The following AUTS2 variants were observed in gnomAD, a reference collection of about 807,000 sequenced individuals.
The protein encoded by AUTS2 is autism susceptibility gene 2 protein.
In AUTS2, 17 loss-of-function variants were observed where a neutral mutation model predicts 112.4. That is an observed-to-expected ratio of 0.15 (90% CI 0.10 to 0.23). The LOEUF (loss-of-function observed/expected upper bound fraction) is 0.23. Among genes scored for constraint, AUTS2 ranks in the 10% least tolerant of loss-of-function variants. The pLI is 1.00. For missense variants in AUTS2, 1,510 were observed against 1,701.6 expected, an observed-to-expected ratio of 0.89 and a Z score of 1.98; for synonymous variants, 751 against 702.7, an observed-to-expected ratio of 1.07 and a Z score of -1.09.
chr7:69,864,742 A>C (rs1044073467), intron 1 of AUTS2, among the ~76,000 whole-genome samples: 2 of 152,232 alleles, frequency 1.3e-5, no homozygotes, highest in Non-Finnish European at 2.9e-5. Context: ...GCCAGGTGCC[A>C]TGCAGTAAAT....
chr7:69,764,977 G>A (rs908913329), intron 1 of AUTS2, among the ~76,000 whole-genome samples: 4 of 149,730 alleles, frequency 2.7e-5, no homozygotes, highest in Non-Finnish European at 6.0e-5. Flanking sequence ...GGCTACCCAC[G>A]TGAGTACGTT....
At chr7:69,604,283 C>G (rs1792594272) in intron 1 of AUTS2, among the ~76,000 whole-genome samples, 1 of 152,242 alleles carries the variant, frequency 6.6e-6, no homozygotes, top group Admixed American at 6.5e-5. Flanking sequence ...TTATTATGGT[C>G]AAATCACTTT....
At chr7:70,056,094 TCTC>T (rs754262193) in intron 2 of AUTS2, among the ~76,000 whole-genome samples, 51 of 152,154 alleles carry the variant, frequency 3.4e-4, no homozygotes, top group Middle Eastern at 6.8e-3. Flanking sequence ...TTCTAGCGAT[TCTC>T]CTGCCTCAGC....
intron 1 of AUTS2, among the ~76,000 whole-genome samples, chr7:69,723,445 A>G (rs1053528185): frequency 2.0e-5 from 3 of 152,192 alleles, no homozygotes; most frequent in African/African-American, 7.2e-5. Context: ...TTGAATGCCT[A>G]GGTCCCAATT....
chr7:70,164,911 A>T (rs1322243025), intron 4 of AUTS2, among the ~76,000 whole-genome samples: 1 of 152,210 alleles, frequency 6.6e-6, no homozygotes, highest in Admixed American at 6.5e-5. Context: ...TGACATGCAA[A>T]CTTCAGACAG....
At chr7:70,624,984 G>A (rs1326530267) in intron 5 of AUTS2, among the ~76,000 whole-genome samples, 1 of 151,920 alleles carries the variant, frequency 6.6e-6, no homozygotes, top group Non-Finnish European at 1.5e-5. Flanking sequence ...TTTCCTCCTC[G>A]GGCTGTTCCA....
At chr7:70,057,535 T>C (rs10487941) in intron 2 of AUTS2, among the ~76,000 whole-genome samples, 12,634 of 152,298 alleles carry the variant, frequency 0.083, 618 homozygotes, top group East Asian at 0.13. Context: ...ACAGGTATTC[T>C]ATCTTCATTA....
chr7:70,257,769 T>G (rs1041699639), intron 4 of AUTS2, among the ~76,000 whole-genome samples: 1 of 152,118 alleles, frequency 6.6e-6, no homozygotes, highest in African/African-American at 2.4e-5. Flanking sequence ...GCCTATCCTA[T>G]TTTATTCTGA....
chr7:70,740,840 T>TC (rs1282451928), intron 6 of AUTS2, among the ~76,000 whole-genome samples: 5 of 152,160 alleles, frequency 3.3e-5, no homozygotes, highest in African/African-American at 1.2e-4. Flanking sequence ...ATGCCTATAA[T>TC]CCCAGCACTT....
intron 15 of AUTS2, chr7:70,782,758 C>G (rs143815705): frequency 6.6e-6 from 1 of 152,340 alleles, no homozygotes; most frequent in East Asian, 1.9e-4. Flanking sequence ...GCCATCCTGC[C>G]AGCTGCCACC....
At chr7:70,173,054 A>G (rs1258972281) in intron 4 of AUTS2, among the ~76,000 whole-genome samples, 2 of 152,156 alleles carry the variant, frequency 1.3e-5, no homozygotes, top group African/African-American at 4.8e-5. Flanking sequence ...TTCCTATTGA[A>G]TTCTTTTAAA....
chr7:69,702,204 C>T (rs555524624), intron 1 of AUTS2, among the ~76,000 whole-genome samples: 1 of 152,130 alleles, frequency 6.6e-6, no homozygotes, highest in Non-Finnish European at 1.5e-5. Context: ...GGAAGGAGCT[C>T]ATTTTGGGGA....
intron 2 of AUTS2, among the ~76,000 whole-genome samples, chr7:69,998,402 G>C (rs1799042346): frequency 6.6e-6 from 1 of 152,042 alleles, no homozygotes; most frequent in Non-Finnish European, 1.5e-5. Flanking sequence ...TCCCTGTGTG[G>C]AGCCTTCCAA....
intron 1 of AUTS2, among the ~76,000 whole-genome samples, chr7:69,646,703 C>G (rs369294162): frequency 1.8e-4 from 28 of 152,326 alleles, no homozygotes; most frequent in African/African-American, 6.0e-4. Flanking sequence ...AAGGCCTCTC[C>G]TCTCTCCTTT....
At chr7:69,955,029 T>G (rs1266846827) in intron 2 of AUTS2, among the ~76,000 whole-genome samples, 2 of 152,210 alleles carry the variant, frequency 1.3e-5, no homozygotes, top group Non-Finnish European at 2.9e-5. Context: ...TTTCCTGAAT[T>G]TCCAAGTAAA....
intron 1 of AUTS2, among the ~76,000 whole-genome samples, chr7:69,650,473 A>G (rs559454430): frequency 2.6e-5 from 4 of 152,276 alleles, no homozygotes; most frequent in Non-Finnish European, 4.4e-5. Flanking sequence ...AAAGTACTCT[A>G]TTGAAGGCGT....
At chr7:69,892,170 ATTT>A (rs35883320) in intron 1 of AUTS2, among the ~76,000 whole-genome samples, 33 of 125,276 alleles carry the variant, frequency 2.6e-4, no homozygotes, top group South Asian at 7.8e-4. Flanking sequence ...AGTTTTGAGA[ATTT>A]TTTTTTTTTT....
intron 5 of AUTS2, chr7:70,436,151 T>C (rs1028673120): frequency 5.0e-6 from 1 of 200,782 alleles, no homozygotes; most frequent in African/African-American, 2.3e-5. Context: ...GTTTATAATG[T>C]CATTTCTGCA....
At chr7:69,608,811 A>G (rs906878089) in intron 1 of AUTS2, among the ~76,000 whole-genome samples, 5 of 152,188 alleles carry the variant, frequency 3.3e-5, no homozygotes, top group Middle Eastern at 3.2e-3. Context: ...CTGGAGCAAA[A>G]AGGGAAACAA....
Sources: allele counts gnomAD v4.1 joint callset (sites outside exome capture counted in the v4.1 genomes callset), GRCh38; gene constraint gnomAD v4.1.1; transcripts MANE v1.5; gene names NCBI Gene and HGNC (gene_info 2026-07-23, HGNC 2026-07-21).